RYR2: variants seen among roughly 807,000 people sequenced by gnomAD.
RYR2 encodes the protein ryanodine receptor 2, also known as cardiac muscle ryanodine receptor-calcium release channel.
Under a neutral mutation model 601.1 loss-of-function variants are expected in RYR2, and 227 were observed. The ratio of observed to expected loss-of-function variants is 0.38; its 90% CI spans 0.34 to 0.42. RYR2 has a LOEUF of 0.42. Ranked by LOEUF, RYR2 falls within the 10% of genes least tolerant of loss-of-function variation. RYR2 has a pLI of 1.00. For missense variants in RYR2, 4,646 were observed against 6,156.5 expected (o/e 0.75, Z 8.21); for synonymous variants, 2,223 against 2,175.1 (o/e 1.02, Z -0.61).
At chr1:237,493,231 C>G (rs1663613010) in intron 19 of RYR2, 144 bp downstream of exon 19, 2 of 912,166 alleles carry the variant, frequency 2.2e-6, no homozygotes, top group Non-Finnish European at 3.3e-6. Context: ...AATAATATGT[C>G]TTTTTCTCTA....
At chr1:237,741,342 A>G (rs1691587846) in intron 79 of RYR2, among the ~76,000 whole-genome samples, 1 of 152,048 alleles carries the variant, frequency 6.6e-6, no homozygotes, top group Non-Finnish European at 1.5e-5. Context: ...ACTGTGTCTC[A>G]CCGAATTAAA....
chr1:237,806,358 C>A, intron 99 of RYR2, 75 bp downstream of exon 99: 4 of 1,380,116 alleles, frequency 2.9e-6, no homozygotes, highest in Non-Finnish European at 4.0e-6. Flanking sequence ...ATAAAACTAC[C>A]CCTCAAATGA....
At chr1:237,137,332 TA>T (rs1367352027) in intron 1 of RYR2, among the ~76,000 whole-genome samples, 1 of 152,170 alleles carries the variant, frequency 6.6e-6, no homozygotes, top group Non-Finnish European at 1.5e-5. Flanking sequence ...GGCTGACCTC[TA>T]GTTCTCTAGC....
chr1:237,795,086 T>A (rs1658947085), intron 95 of RYR2, among the ~76,000 whole-genome samples: 1 of 152,216 alleles, frequency 6.6e-6, no homozygotes, highest in South Asian at 2.1e-4. Context: ...ATCTTTTGTA[T>A]ATATTTACAT....
In RYR2 at chr1:237,674,770, G is replaced by A. The variant is rs2148911647; in HGVS notation, c.8754G>A (p.Glu2918=). ...KDLELDTPSI[E]KRFAYSFLQQ... is the part of the protein sequence containing the mutation. ...TGGAACTGGACACGCCTTCTATTGA[G>A]AAACGATTTGCCTATAGTTTCCTCC... is the stretch of plus-strand genomic sequence containing the variant. The change falls in exon 60 of 105, where the codon GAG becomes GAA. Residue 2918 remains glutamate, a synonymous_variant. Coordinates refer to ENST00000366574, the MANE Select transcript of RYR2 (RefSeq NM_001035.3). 3 of 1,612,530 alleles carry A rather than the reference G, an allele frequency of 1.9e-6. No homozygotes were observed. Among genetic ancestry groups the A allele is most frequent in the Non-Finnish European group, 2.5e-6 (3 of 1,178,836 alleles).
chr1:237,732,195 G>T lies in RYR2; in HGVS notation c.11039+46G>T, dbSNP rs1433878665. On this transcript the variant is annotated intron_variant, in intron 78 of 104. Coordinates refer to ENST00000366574, the MANE Select transcript of RYR2 (RefSeq NM_001035.3). ...ATGAGACATAGGAGGAGCAAATAAAGACACCCGTGTCTGAGTATTCTGTGC... is the reference window on the plus strand; with the variant it reads ...ATGAGACATAGGAGGAGCAAATAAATACACCCGTGTCTGAGTATTCTGTGC... The T allele has an allele frequency of 5.3e-6, 6 of 1,137,848 alleles. 1 individual carries two copies. In the East Asian group the frequency reaches 1.2e-4, roughly 23 times the overall value. The allele number at this position is 1,137,848 out of a possible 1,614,324, so 70.5% of individuals were successfully genotyped here.
intron 3 of RYR2, among the ~76,000 whole-genome samples, chr1:237,338,542 C>G (rs1173512515): frequency 6.6e-6 from 1 of 152,182 alleles, no homozygotes; most frequent in Non-Finnish European, 1.5e-5. Flanking sequence ...AGACAGGCAT[C>G]TTCCTAAGCC....
At chr1:237,189,187 C>G (rs1018890956) in intron 1 of RYR2, among the ~76,000 whole-genome samples, 8 of 152,142 alleles carry the variant, frequency 5.3e-5, no homozygotes, top group Admixed American at 1.3e-4. Context: ...GCATGATATT[C>G]CTGAGCTTCA....
chr1:237,232,527 C>T (rs919549503), intron 1 of RYR2, among the ~76,000 whole-genome samples: 1 of 152,098 alleles, frequency 6.6e-6, no homozygotes, highest in Non-Finnish European at 1.5e-5. Context: ...ATATCTTTTA[C>T]AATAAACCAG....
chr1:237,673,364 T>C (rs1685124321), intron 58 of RYR2, among the ~76,000 whole-genome samples: 1 of 152,188 alleles, frequency 6.6e-6, no homozygotes, highest in Admixed American at 6.5e-5. Context: ...TTACATAATT[T>C]ATAATTTTAG....
intron 90 of RYR2, 55 bp downstream of exon 90, chr1:237,785,027 T>A (rs1359915867): frequency 2.5e-5 from 31 of 1,248,416 alleles, no homozygotes; most frequent in Non-Finnish European, 3.2e-5. Flanking sequence ...GTGGGTATAA[T>A]AAATGATCAT....
intron 1 of RYR2, among the ~76,000 whole-genome samples, chr1:237,141,344 G>A (rs779439357): frequency 8.5e-5 from 13 of 152,158 alleles, no homozygotes; most frequent in Non-Finnish European, 1.8e-4. Flanking sequence ...CTTGTTTGGT[G>A]AGAATTTTTA....
chr1:237,601,914 G>GC (rs1312447983), intron 34 of RYR2, 111 bp from the exon 35 acceptor site: 1 of 828,554 alleles, frequency 1.2e-6, no homozygotes, highest in Non-Finnish European at 1.9e-6. Flanking sequence ...TGCAAGAAAG[G>GC]AAAATCTCTG....
chr1:237,279,341 C>G (rs1407971835), intron 2 of RYR2, among the ~76,000 whole-genome samples: 1 of 152,132 alleles, frequency 6.6e-6, no homozygotes, highest in Non-Finnish European at 1.5e-5. Context: ...ACTGCTGAGT[C>G]TCACCTTGTT....
intron 74 of RYR2, among the ~76,000 whole-genome samples, chr1:237,725,274 T>G (rs1573686919): frequency 6.6e-6 from 1 of 151,682 alleles, no homozygotes; most frequent in Non-Finnish European, 1.5e-5. Flanking sequence ...GAGAGGAGGG[T>G]TTTGAGTTAA....
intron 14 of RYR2, among the ~76,000 whole-genome samples, 157 bp downstream of exon 14, chr1:237,445,679 T>TA (rs1448066827): frequency 6.6e-6 from 1 of 152,222 alleles, no homozygotes; most frequent in East Asian, 1.9e-4. Context: ...TGAGATGATT[T>TA]AATGTCTTTC....
At chr1:237,508,766 G>A (rs1391465083) in intron 23 of RYR2, among the ~76,000 whole-genome samples, 5 of 122,098 alleles carry the variant, frequency 4.1e-5, no homozygotes, top group Non-Finnish European at 8.1e-5. Flanking sequence ...TTTTTGAGAC[G>A]GAGTCTTGCT....
intron 1 of RYR2, among the ~76,000 whole-genome samples, chr1:237,073,159 C>T (rs1216772203): frequency 6.6e-6 from 1 of 152,094 alleles, no homozygotes; most frequent in Non-Finnish European, 1.5e-5. Flanking sequence ...GGATTTTATC[C>T]TGGAGTCTTT....
intron 1 of RYR2, among the ~76,000 whole-genome samples, chr1:237,122,087 T>C (rs1367089991): frequency 1.3e-5 from 2 of 152,196 alleles, no homozygotes; most frequent in African/African-American, 2.4e-5. Context: ...CCATAGATAA[T>C]AGGCTTATAA....
Sources: allele counts gnomAD v4.1 joint callset (sites outside exome capture counted in the v4.1 genomes callset), GRCh38; gene constraint gnomAD v4.1.1; transcripts MANE v1.5; gene names NCBI Gene and HGNC (gene_info 2026-07-23, HGNC 2026-07-21).